ZNF407: variants seen among roughly 807,000 people sequenced by gnomAD.
The protein encoded by ZNF407 is zinc finger protein 407.
A neutral mutation model predicts 131.2 loss-of-function variants in ZNF407; 17 were observed. That is an observed-to-expected ratio of 0.13 (90% CI 0.09 to 0.19). The LOEUF is 0.19. Among genes scored for constraint, ZNF407 ranks in the 10% least tolerant of loss-of-function variants. The probability of loss-of-function intolerance (pLI) is 1.00; values close to 1 mark genes in which losing one functional copy is unlikely to be tolerated. For missense variants in ZNF407, 2,681 were observed against 2,830.6 expected (o/e 0.95, Z 1.20); for synonymous variants, 1,156 against 1,062.0 (o/e 1.09, Z -1.72).
At chr18:74,870,354 C>CA (rs34146079) in intron 4 of ZNF407, among the ~76,000 whole-genome samples, 1 of 152,118 alleles carries the variant, frequency 6.6e-6, no homozygotes, top group Non-Finnish European at 1.5e-5. Flanking sequence ...CTGTTCAGGG[C>CA]AAAAATGTGC....
intron 7 of ZNF407, among the ~76,000 whole-genome samples, chr18:74,913,763 C>CT (rs1304520471): frequency 1.3e-5 from 2 of 152,132 alleles, no homozygotes; most frequent in Non-Finnish European, 2.9e-5. Context: ...TTTACAACTC[C>CT]TTTCTCCTTA....
intron 8 of ZNF407, among the ~76,000 whole-genome samples, chr18:75,041,070 G>A (rs566485188): frequency 1.3e-5 from 2 of 152,322 alleles, no homozygotes; most frequent in East Asian, 3.9e-4. Context: ...GGCACTTGGT[G>A]CAGTCTGTTC....
At chr18:74,904,127 A>G (rs1971564781) in intron 7 of ZNF407, among the ~76,000 whole-genome samples, 1 of 152,192 alleles carries the variant, frequency 6.6e-6, no homozygotes, top group South Asian at 2.1e-4. Context: ...GGCAACCACT[A>G]AAGTCTGCTG....
chr18:74,712,520 C>T (rs557422151), intron 3 of ZNF407, among the ~76,000 whole-genome samples: 1 of 152,346 alleles, frequency 6.6e-6, no homozygotes, highest in Middle Eastern at 3.4e-3. Context: ...GTGGTCACAT[C>T]TCCCACCCCT....
In ZNF407 at chr18:74,877,178, T is replaced by C. The variant is rs1599214916; in HGVS notation, c.4878-19T>C. ...GTGTGCGGGCCATATTTATATTGTT[T>C]TCTCTCTCCTTCATGCAGGAAATTT... On this transcript the variant is annotated intron_variant, in intron 4 of 8. Transcript: ENST00000299687. 1 of 1,612,866 alleles carries C rather than the reference T, an allele frequency of 6.2e-7. No homozygotes were observed. Among genetic ancestry groups the C allele is most frequent in the East Asian group, 2.2e-5 (1 of 44,878 alleles).
At chr18:74,876,241 T>C (rs957890464) in intron 4 of ZNF407, among the ~76,000 whole-genome samples, 1 of 152,234 alleles carries the variant, frequency 6.6e-6, no homozygotes, top group Non-Finnish European at 1.5e-5. Flanking sequence ...ACACTATCTT[T>C]GTGGCATCGT....
rs150468086 is a variant in ZNF407, at chr18:75,049,378, T to C, written c.5429-13772T>C. ...CTAACATAGCCTGGGATCATACTTA[T>C]TTGTCCGGTTCCTGAAGACATGTGG... On this transcript the variant is annotated intron_variant, in intron 8 of 8. Transcript: ENST00000299687. Among the ~76,000 whole-genome samples the C allele has an allele frequency of 6.3e-3, 966 of 152,212 alleles. 13 individuals are homozygous for C. Among genetic ancestry groups the C allele is most frequent in the African/African-American group, 0.022 (901 of 41,518 alleles).
chr18:75,052,289 T>C (rs1973510421), intron 8 of ZNF407, among the ~76,000 whole-genome samples: 1 of 152,216 alleles, frequency 6.6e-6, no homozygotes. Flanking sequence ...TATAATTACA[T>C]TACCTCGCTG....
intron 8 of ZNF407, among the ~76,000 whole-genome samples, chr18:74,987,479 C>A (rs142706872): frequency 2.8e-4 from 42 of 152,276 alleles, no homozygotes; most frequent in South Asian, 1.0e-3. Context: ...GAGAAAAGAG[C>A]CACCTTAGCA....
intron 3 of ZNF407, among the ~76,000 whole-genome samples, chr18:74,653,875 T>C (rs1039755444): frequency 2.0e-5 from 3 of 151,858 alleles, no homozygotes; most frequent in African/African-American, 7.2e-5. Context: ...AAAAATGAAT[T>C]GACATTGTTG....
At chr18:74,984,489 T>G (rs1972629749) in intron 8 of ZNF407, among the ~76,000 whole-genome samples, 1 of 152,234 alleles carries the variant, frequency 6.6e-6, no homozygotes, top group African/African-American at 2.4e-5. Flanking sequence ...GTATGTAGTT[T>G]ATGTTTAGAG....
intron 8 of ZNF407, among the ~76,000 whole-genome samples, chr18:75,033,274 C>CT (rs1973267568): frequency 6.7e-6 from 1 of 150,122 alleles, no homozygotes; most frequent in South Asian, 2.1e-4. Context: ...TATTAGGTAA[C>CT]TAAGCGTGCT....
chr18:74,834,835 A>G (rs1199771712), intron 4 of ZNF407, among the ~76,000 whole-genome samples: 1 of 152,214 alleles, frequency 6.6e-6, no homozygotes, highest in Non-Finnish European at 1.5e-5. Context: ...TTACACTGTT[A>G]GATGCCTTCC....
At chr18:75,012,985 T>C (rs1298027798) in intron 8 of ZNF407, among the ~76,000 whole-genome samples, 2 of 149,186 alleles carry the variant, frequency 1.3e-5, no homozygotes, top group African/African-American at 2.5e-5. Context: ...AGGAGGCACA[T>C]AACGTGTGTC....
intron 6 of ZNF407, 28 bp downstream of exon 6, chr18:74,881,147 T>G (rs1971232416): frequency 1.3e-6 from 2 of 1,547,196 alleles, no homozygotes; most frequent in Non-Finnish European, 8.7e-7. Flanking sequence ...ACTGGCCCCT[T>G]CTCTGCAGAG....
rs1984335796 is a variant in ZNF407, at chr18:74,634,528, A to G, written c.3509A>G (p.Gln1170Arg). Residue 1170 changes from glutamine to arginine, a missense_variant, in exon 2 of 9, where the codon CAG (glutamine) becomes CGG (arginine). Physicochemically the swap from Gln to Arg is conservative, Grantham distance 43. Around this residue, in one of 6 missense-constraint regions of ZNF407, gnomAD observed 1,789 missense variants for 1,748.7 expected, o/e 1.02. Coordinates refer to ENST00000299687, the MANE Select transcript of ZNF407 (RefSeq NM_017757.3). ...EDHSFCETFQ[Q>R]APVKDKVRKP... ...CATTCCTTTTGTGAGACTTTCCAACAGGCTCCTGTCAAGGATAAAGTTAGG... is the reference window on the plus strand; with the variant it reads ...CATTCCTTTTGTGAGACTTTCCAACGGGCTCCTGTCAAGGATAAAGTTAGG... The G allele has an allele frequency of 1.2e-6, 2 of 1,613,856 alleles. No individual in the cohort carries two copies. The highest frequency in any genetic ancestry group is 1.7e-6 in the Non-Finnish European group (2 of 1,179,888).
intron 3 of ZNF407, among the ~76,000 whole-genome samples, chr18:74,746,623 C>G (rs1001898065): frequency 5.3e-5 from 8 of 152,016 alleles, no homozygotes; most frequent in African/African-American, 1.9e-4. Flanking sequence ...TAGGCCTACA[C>G]AGGGTAAGGA....
chr18:74,665,767 C>T (rs955267703), intron 3 of ZNF407, among the ~76,000 whole-genome samples: 3 of 152,152 alleles, frequency 2.0e-5, no homozygotes, highest in Non-Finnish European at 4.4e-5. Context: ...GCCTTGGAAG[C>T]CCCCACATGC....
intron 4 of ZNF407, among the ~76,000 whole-genome samples, chr18:74,835,913 G>A (rs1358574508): frequency 6.6e-6 from 1 of 151,682 alleles, no homozygotes; most frequent in Non-Finnish European, 1.5e-5. Flanking sequence ...GCAAGGACCA[G>A]TAGCACCTGC....
Sources: allele counts gnomAD v4.1 joint callset (sites outside exome capture counted in the v4.1 genomes callset), GRCh38; gene constraint gnomAD v4.1.1; regional missense constraint gnomAD v4.1.1; transcripts MANE v1.5; gene names NCBI Gene and HGNC (gene_info 2026-07-23, HGNC 2026-07-21).